The following GAS7 variants were observed in gnomAD, a reference collection of about 807,000 sequenced individuals.
GAS7 encodes growth arrest specific 7, also known as growth arrest-specific protein 7.
GAS7 carries 28 observed loss-of-function variants against 71.1 expected under a neutral mutation model. That is an observed-to-expected ratio of 0.39 (90% CI 0.29 to 0.54). The LOEUF is 0.54. Ranked by LOEUF, GAS7 falls within the 20% of genes least tolerant of loss-of-function variation. The pLI, the probability that GAS7 is intolerant of heterozygous loss-of-function variation, is 0.62. For synonymous variants in GAS7, 258 were observed against 245.8 expected (o/e 1.05, Z -0.46); for missense variants, 436 against 627.8 (o/e 0.69, Z 3.27).
chr17:10,122,329 C>T (rs2073911283), intron 1 of GAS7, among the ~76,000 whole-genome samples: 1 of 152,162 alleles, frequency 6.6e-6, no homozygotes, highest in Admixed American at 6.6e-5. Context: ...AACCCTCATC[C>T]TTCCTCTCCC....
At chr17:9,951,418 C>T (rs2069000956) in intron 5 of GAS7, among the ~76,000 whole-genome samples, 1 of 152,204 alleles carries the variant, frequency 6.6e-6, no homozygotes, top group Admixed American at 6.6e-5. Flanking sequence ...ACTCAAACTG[C>T]TCTTGGCCTT....
At chr17:10,124,811 A>G (rs1462388934) in intron 1 of GAS7, among the ~76,000 whole-genome samples, 3 of 152,030 alleles carry the variant, frequency 2.0e-5, no homozygotes, top group African/African-American at 7.2e-5. Flanking sequence ...CCAGCTACTC[A>G]GGAGGCTGAG....
At position 9,989,177 on chromosome 17, in the gene GAS7, G is replaced by C. The variant is rs144790753; in HGVS notation, c.305-7293C>G. ...GAAGGAACTGAGGCCTCAGTGAGAA[G>C]TGGCATCTCTGGAACTCAGTCTGAC... On this transcript the variant is annotated intron_variant, in intron 2 of 13. Coordinates refer to ENST00000432992, the MANE Select transcript of GAS7 (RefSeq NM_201433.2). Among the ~76,000 whole-genome samples the C allele has an allele frequency of 7.6e-3, 1,156 of 152,228 alleles. 6 individuals are homozygous for C. The highest frequency in any genetic ancestry group is 0.02 in the Middle Eastern group (6 of 294).
In GAS7 at chr17:9,914,777, C is replaced by T; in HGVS notation, c.*2451G>A. On this transcript the variant is annotated 3_prime_UTR_variant, in exon 14 of 14. Coordinates refer to ENST00000432992, the MANE Select transcript of GAS7 (RefSeq NM_201433.2). ...GAGAATAGAGGAGAGCAGAGGAATGCCCATCTTACATACAACTAGAGCGCC... is the reference window on the plus strand; with the variant it reads ...GAGAATAGAGGAGAGCAGAGGAATGTCCATCTTACATACAACTAGAGCGCC... 1 of 227,932 alleles carries T rather than the reference C, an allele frequency of 4.4e-6. No homozygotes were observed. The highest frequency in any genetic ancestry group is 2.2e-5 in the African/African-American group (1 of 45,146). The allele number at this position is 227,932 out of a possible 1,614,324, so 14.1% of individuals were successfully genotyped here.
intron 1 of GAS7, among the ~76,000 whole-genome samples, chr17:10,079,143 A>G (rs577319611): frequency 6.6e-6 from 1 of 152,326 alleles, no homozygotes; most frequent in East Asian, 1.9e-4. Flanking sequence ...TCTCTCTAAA[A>G]TAACAAAAAC....
At chr17:10,036,856 G>GCATC (rs1373115765) in intron 1 of GAS7, 4 of 425,722 alleles carry the variant, frequency 9.4e-6, no homozygotes, top group African/African-American at 8.4e-5. Context: ...CTGAGCAGAT[G>GCATC]CCTCCCACCC....
intron 1 of GAS7, among the ~76,000 whole-genome samples, chr17:10,179,254 G>A (rs975610609): frequency 2.0e-5 from 3 of 151,928 alleles, no homozygotes; most frequent in African/African-American, 7.3e-5. Flanking sequence ...GCTTGAAGCT[G>A]GGAGGCGGAT....
chr17:10,021,738 G>C (rs1394574672), intron 1 of GAS7, among the ~76,000 whole-genome samples: 2 of 152,188 alleles, frequency 1.3e-5, no homozygotes, highest in Non-Finnish European at 2.9e-5. Context: ...ATCTGGGCAG[G>C]TTTACCTGGG....
chr17:10,005,326 T>TACACACACACACAC (rs543450625), intron 2 of GAS7, among the ~76,000 whole-genome samples: 25 of 150,492 alleles, frequency 1.7e-4, no homozygotes, highest in African/African-American at 6.0e-4. Flanking sequence ...CACATATATA[T>TACACACACACACAC]ATACACACAC....
intron 2 of GAS7, among the ~76,000 whole-genome samples, chr17:10,004,818 T>C (rs57315989): frequency 0.17 from 26,515 of 152,094 alleles, 2,588 homozygotes; most frequent in East Asian, 0.28. Flanking sequence ...AAGACCAGCC[T>C]GACCAACATG....
chr17:9,987,979 T>C (rs1348293561), intron 2 of GAS7, among the ~76,000 whole-genome samples: 1 of 152,242 alleles, frequency 6.6e-6, no homozygotes, highest in Non-Finnish European at 1.5e-5. Context: ...TTTCTTGGCT[T>C]GTGCCGGCTC....
rs537118664 is a variant in GAS7 at position 9,913,505 on chromosome 17, T to C, written c.*3723A>G. On this transcript the variant is annotated 3_prime_UTR_variant, in exon 14 of 14. Coordinates refer to ENST00000432992, the MANE Select transcript of GAS7 (RefSeq NM_201433.2). ...ATCCATCCACTCATCTAGTAATTGA[T>C]TGGTTTTCACAAAGGGTAGGGAAAG... is the stretch of plus-strand genomic sequence containing the variant. 2.6e-5 allele frequency: 6 copies of C among 232,348 alleles called. No individual in the cohort carries two copies. The highest frequency in any genetic ancestry group is 1.2e-4 in the East Asian group (2 of 16,402). 14.4% of individuals were successfully genotyped at this position (232,348 alleles called of 1,614,324 possible).
chr17:10,010,162 T>C (rs1460837639), intron 2 of GAS7, among the ~76,000 whole-genome samples: 1 of 152,034 alleles, frequency 6.6e-6, no homozygotes, highest in Non-Finnish European at 1.5e-5. Context: ...TTTTTCTTTC[T>C]TTTTTGGGGG....
At chr17:10,113,711 TG>T (rs2073834998) in intron 1 of GAS7, among the ~76,000 whole-genome samples, 1 of 152,180 alleles carries the variant, frequency 6.6e-6, no homozygotes, top group South Asian at 2.1e-4. Flanking sequence ...GGACTACTTC[TG>T]GAAGTACCCA....
chr17:10,030,550 C>T (rs1171031042), intron 1 of GAS7, among the ~76,000 whole-genome samples: 2 of 152,220 alleles, frequency 1.3e-5, no homozygotes, highest in Non-Finnish European at 2.9e-5. Context: ...GGGTCGCCTT[C>T]CTTTCTCCCA....
At chr17:10,189,700 A>C (rs1402184045) in intron 1 of GAS7, among the ~76,000 whole-genome samples, 1 of 152,184 alleles carries the variant, frequency 6.6e-6, no homozygotes, top group Non-Finnish European at 1.5e-5. Context: ...GCACTTTGGG[A>C]GGCCAAGGAG....
At chr17:10,044,261 C>A (rs1294019540) in intron 1 of GAS7, among the ~76,000 whole-genome samples, 1 of 152,164 alleles carries the variant, frequency 6.6e-6, no homozygotes, top group Non-Finnish European at 1.5e-5. Flanking sequence ...TACTGCGATA[C>A]CCAATTTACT....
intron 1 of GAS7, among the ~76,000 whole-genome samples, chr17:10,172,900 T>A (rs1303678860): frequency 1.3e-5 from 2 of 152,242 alleles, no homozygotes; most frequent in Admixed American, 1.3e-4. Context: ...ATGGTGTTAT[T>A]CACAACAGCC....
At position 9,996,116 on chromosome 17, in the gene GAS7, C is replaced by T. The variant is rs549678918; in HGVS notation, c.305-14232G>A. Among the ~76,000 whole-genome samples, 288 of 152,306 alleles carry T rather than the reference C, an allele frequency of 1.9e-3. 1 individual carries two copies. Among genetic ancestry groups the T allele is most frequent in the African/African-American group, 6.2e-3 (258 of 41,570 alleles). On this transcript the variant is annotated intron_variant, in intron 2 of 13. Transcript: ENST00000432992. Reference sequence around the variant, plus strand: ...CTATAACCATGCTGCTATAAAGACACATGCACACGTACGTTTATTGTGGCA... The same window carrying T: ...CTATAACCATGCTGCTATAAAGACATATGCACACGTACGTTTATTGTGGCA...
Sources: allele counts gnomAD v4.1 joint callset (sites outside exome capture counted in the v4.1 genomes callset), GRCh38; gene constraint gnomAD v4.1.1; transcripts MANE v1.5; gene names NCBI Gene and HGNC (gene_info 2026-07-23, HGNC 2026-07-21).